Variants in CRPPA observed in about 807,000 individuals in gnomAD.
The protein encoded by CRPPA is D-ribitol-5-phosphate cytidylyltransferase.
A neutral mutation model predicts 52.0 loss-of-function variants in CRPPA; 43 were observed. The ratio of observed to expected loss-of-function variants is 0.83; its 90% CI spans 0.65 to 1.07. The LOEUF (loss-of-function observed/expected upper bound fraction) is 1.07, where lower values mean the gene tolerates loss of function less well. Ranked by LOEUF, CRPPA falls within the 50% of genes least tolerant of loss-of-function variation. The pLI, the probability that CRPPA is intolerant of heterozygous loss-of-function variation, is 0.00. For missense variants in CRPPA, 629 were observed against 551.7 expected (o/e 1.14, Z -1.40); for synonymous variants, 250 against 203.5 (o/e 1.23, Z -1.94).
chr7:16,413,296 T>G (rs891756345), intron 1 of CRPPA, among the ~76,000 whole-genome samples: 1 of 152,222 alleles, frequency 6.6e-6, no homozygotes, highest in African/African-American at 2.4e-5. Context: ...CCTACCTGCC[T>G]TAGACTTACC....
chr7:16,162,147 A>AT (rs1298095438), intron 9 of CRPPA, among the ~76,000 whole-genome samples: 2 of 151,796 alleles, frequency 1.3e-5, no homozygotes, highest in Non-Finnish European at 2.9e-5. Flanking sequence ...AGATTCACTG[A>AT]TTTTTTGAAG....
chr7:16,301,355 T>G, intron 5 of CRPPA, 66 bp downstream of exon 5: 242 of 1,315,214 alleles, frequency 1.8e-4, no homozygotes, highest in Non-Finnish European at 2.4e-4. Flanking sequence ...TAAACTGTCA[T>G]GAGAAATTCC....
intron 3 of CRPPA, among the ~76,000 whole-genome samples, chr7:16,371,589 G>A (rs1786750187): frequency 6.6e-6 from 1 of 151,164 alleles, no homozygotes; most frequent in African/African-American, 2.4e-5. Flanking sequence ...ACAATTTGAA[G>A]AAATAGTCTA....
intron 2 of CRPPA, among the ~76,000 whole-genome samples, chr7:16,384,834 G>T (rs899579489): frequency 6.6e-6 from 1 of 152,142 alleles, no homozygotes; most frequent in African/African-American, 2.4e-5. Flanking sequence ...CAGGCAAGAG[G>T]AACTGCCTAT....
At chr7:16,363,716 A>G (rs1786517404) in intron 3 of CRPPA, among the ~76,000 whole-genome samples, 1 of 152,184 alleles carries the variant, frequency 6.6e-6, no homozygotes, top group African/African-American at 2.4e-5. Flanking sequence ...CTGCAACATG[A>G]TACTGGAGGT....
intron 9 of CRPPA, among the ~76,000 whole-genome samples, chr7:16,094,450 T>C (rs1781896018): frequency 6.6e-6 from 1 of 152,098 alleles, no homozygotes; most frequent in Non-Finnish European, 1.5e-5. Context: ...GCAAACCCAA[T>C]GTATCTTATA....
intron 9 of CRPPA, among the ~76,000 whole-genome samples, chr7:16,167,578 A>G (rs140790382): frequency 6.4e-4 from 97 of 152,302 alleles, no homozygotes; most frequent in African/African-American, 2.2e-3. Flanking sequence ...AGTGTAGTAC[A>G]GTATAAAAGA....
rs1054404353 is a variant in CRPPA at position 16,413,274 on chromosome 7, G to A, written c.258-6937C>T. 2.6e-5 allele frequency among the ~76,000 whole-genome samples: 4 copies of A among 152,200 alleles called. No individual in the cohort carries two copies. In the East Asian group the frequency reaches 7.7e-4, roughly 29 times the overall value. On this transcript the variant is annotated intron_variant, in intron 1 of 9. Transcript: ENST00000407010. ...CTATGGCCCATGAAGGCTCCCGGTTGTCAGGCCTCAGCCTACCTGCCTTAG... is the reference window on the plus strand; with the variant it reads ...CTATGGCCCATGAAGGCTCCCGGTTATCAGGCCTCAGCCTACCTGCCTTAG...
At chr7:16,124,875 AT>A (rs68095417) in intron 9 of CRPPA, among the ~76,000 whole-genome samples, 13,945 of 151,868 alleles carry the variant, frequency 0.092, 807 homozygotes, top group African/African-American at 0.15. Flanking sequence ...AAATAAAAAA[AT>A]ATATATAATC....
At chr7:16,125,246 G>A (rs941039928) in intron 9 of CRPPA, among the ~76,000 whole-genome samples, 4 of 122,560 alleles carry the variant, frequency 3.3e-5, no homozygotes, top group Non-Finnish European at 5.0e-5. Flanking sequence ...GGTGACAGAT[G>A]GAGACTGTCT....
chr7:16,175,643 CATTAT>C lies in CRPPA; in HGVS notation c.1251+40418_1251+40422del, dbSNP rs568358590. Among the ~76,000 whole-genome samples, 208 of 152,182 alleles carry C rather than the reference CATTAT, an allele frequency of 1.4e-3. 1 individual carries two copies. The highest frequency in any genetic ancestry group is 4.4e-3 in the African/African-American group (182 of 41,534). ...CTTTGTAAGCTCTCCAGTCTTTCCC[CATTAT>C]ATTATTCTTTTAAGTATATTTCTAT... On this transcript the variant is annotated intron_variant, in intron 9 of 9. Transcript: ENST00000407010.
chr7:16,410,353 T>C (rs1384107140), intron 1 of CRPPA, among the ~76,000 whole-genome samples: 3 of 152,240 alleles, frequency 2.0e-5, no homozygotes, highest in Non-Finnish European at 4.4e-5. Flanking sequence ...AGGCCTTTCA[T>C]TGCAAATTTA....
chr7:16,322,883 T>C (rs546290691), intron 3 of CRPPA, among the ~76,000 whole-genome samples: 1 of 152,216 alleles, frequency 6.6e-6, no homozygotes, highest in South Asian at 2.1e-4. Flanking sequence ...TGGGGAGGCC[T>C]CAGGAAACTT....
intron 2 of CRPPA, among the ~76,000 whole-genome samples, chr7:16,377,919 C>A (rs146570844): frequency 6.6e-6 from 1 of 152,026 alleles, no homozygotes; most frequent in African/African-American, 2.4e-5. Context: ...AATACTGGGG[C>A]CCTGATCACT....
intron 2 of CRPPA, among the ~76,000 whole-genome samples, chr7:16,388,426 TAA>T (rs1787351397): frequency 1.3e-5 from 2 of 152,136 alleles, no homozygotes; most frequent in Non-Finnish European, 2.9e-5. Context: ...TGTATAACTG[TAA>T]ATGCCTATAT....
At chr7:16,148,550 C>A (rs567017272) in intron 9 of CRPPA, among the ~76,000 whole-genome samples, 1 of 152,106 alleles carries the variant, frequency 6.6e-6, no homozygotes, top group Admixed American at 6.5e-5. Flanking sequence ...AAAGGAAAAA[C>A]TATATGCTCT....
intron 2 of CRPPA, among the ~76,000 whole-genome samples, chr7:16,389,668 G>C (rs1248377188): frequency 6.6e-6 from 1 of 151,844 alleles, no homozygotes; most frequent in Non-Finnish European, 1.5e-5. Flanking sequence ...AAAATACTGA[G>C]TGTTTTCCCT....
chr7:16,219,711 T>G (rs1400463935), intron 8 of CRPPA, among the ~76,000 whole-genome samples: 1 of 117,052 alleles, frequency 8.5e-6, no homozygotes, highest in Non-Finnish European at 1.9e-5. Flanking sequence ...GATAAATTCC[T>G]CGACACATAC....
chr7:16,190,433 A>T (rs1021153170), intron 9 of CRPPA, among the ~76,000 whole-genome samples: 1 of 152,208 alleles, frequency 6.6e-6, no homozygotes, highest in African/African-American at 2.4e-5. Flanking sequence ...AAATGAAAAG[A>T]GTAACTATAA....
Sources: gnomAD v4.1 joint callset for allele counts (sites outside exome capture counted in the v4.1 genomes callset) on GRCh38, gnomAD v4.1.1 for gene constraint, MANE v1.5 for transcripts, NCBI Gene and HGNC (gene_info 2026-07-23, HGNC 2026-07-21) for gene names.